Variants in SCHIP1 observed in about 807,000 individuals in gnomAD.
The protein encoded by SCHIP1 is schwannomin-interacting protein 1.
In SCHIP1, 8 loss-of-function variants were observed where a neutral mutation model predicts 29.7. The observed-to-expected ratio is 0.27, with a 90% confidence interval of 0.16 to 0.49. The LOEUF (loss-of-function observed/expected upper bound fraction) is 0.49. SCHIP1 is among the 20% of genes least tolerant of loss of function. The pLI, the probability that SCHIP1 is intolerant of heterozygous loss-of-function variation, is 0.99. For missense variants in SCHIP1, 193 were observed against 294.6 expected, an observed-to-expected ratio of 0.66 and a Z score of 2.52; for synonymous variants, 76 against 94.9, an observed-to-expected ratio of 0.80 and a Z score of 1.16.
chr3:159,492,666 G>A, the SCHIP1 span, among the ~76,000 whole-genome samples: 1 of 152,196 alleles, frequency 6.6e-6, no homozygotes, highest in African/African-American at 2.4e-5. Flanking sequence ...AACCAAGTTG[G>A]AAAACACTCT....
the SCHIP1 span, among the ~76,000 whole-genome samples, chr3:159,637,591 CA>C: frequency 6.6e-6 from 1 of 152,228 alleles, no homozygotes; most frequent in South Asian, 2.1e-4. Flanking sequence ...TGTGGAATTG[CA>C]AAAGCATAAA....
the SCHIP1 span, among the ~76,000 whole-genome samples, chr3:159,585,420 A>G: frequency 9.1e-4 from 138 of 152,090 alleles, no homozygotes; most frequent in African/African-American, 3.2e-3. Context: ...TCCTACCATT[A>G]TTTTCCTGTT....
the SCHIP1 span, among the ~76,000 whole-genome samples, chr3:159,670,185 G>A: frequency 6.6e-6 from 1 of 152,172 alleles, no homozygotes; most frequent in South Asian, 2.1e-4. Context: ...TTTTCGGCTG[G>A]ATTAGACCAT....
At chr3:159,472,954 C>T in the SCHIP1 span, among the ~76,000 whole-genome samples, 41 of 152,260 alleles carry the variant, frequency 2.7e-4, no homozygotes, top group East Asian at 7.3e-3. Context: ...CTCATCTATA[C>T]CAACACATTA....
chr3:159,341,413 G>A, the SCHIP1 span, among the ~76,000 whole-genome samples: 1 of 152,064 alleles, frequency 6.6e-6, no homozygotes, highest in African/African-American at 2.4e-5. Context: ...TTTCTTGTCT[G>A]GTCCCCTTAC....
the SCHIP1 span, among the ~76,000 whole-genome samples, chr3:159,352,203 G>A: frequency 6.6e-6 from 1 of 152,092 alleles, no homozygotes; most frequent in African/African-American, 2.4e-5. Context: ...GGCATACCCA[G>A]GAGTCCCAGG....
chr3:159,475,091 G>C, the SCHIP1 span, among the ~76,000 whole-genome samples: 1 of 152,076 alleles, frequency 6.6e-6, no homozygotes, highest in African/African-American at 2.4e-5. Flanking sequence ...TCCACTCCAA[G>C]AGAACTGAAA....
the SCHIP1 span, among the ~76,000 whole-genome samples, chr3:159,491,342 T>C: frequency 5.3e-5 from 8 of 152,298 alleles, no homozygotes; most frequent in South Asian, 1.7e-3. Context: ...GGTCAGGGAA[T>C]TCCCTTTCCT....
the SCHIP1 span, among the ~76,000 whole-genome samples, chr3:159,657,246 C>T: frequency 6.6e-6 from 1 of 152,222 alleles, no homozygotes; most frequent in East Asian, 1.9e-4. Flanking sequence ...ATGTGAGACA[C>T]AGATCAGTGA....
the SCHIP1 span, among the ~76,000 whole-genome samples, chr3:159,692,556 T>C: frequency 6.6e-6 from 1 of 152,252 alleles, no homozygotes; most frequent in Non-Finnish European, 1.5e-5. Flanking sequence ...GTTCTTGTGC[T>C]GTGTTTTTCA....
chr3:159,659,282 G>A, the SCHIP1 span, among the ~76,000 whole-genome samples: 2 of 152,156 alleles, frequency 1.3e-5, no homozygotes, highest in Non-Finnish European at 2.9e-5. Flanking sequence ...GTGGTGATCC[G>A]ACTGATCATG....
the SCHIP1 span, among the ~76,000 whole-genome samples, chr3:159,407,596 G>C: frequency 6.6e-6 from 1 of 152,154 alleles, no homozygotes; most frequent in Non-Finnish European, 1.5e-5. Context: ...GTTCTCCTCA[G>C]CACATGGATC....
At chr3:159,697,056 T>G in the SCHIP1 span, among the ~76,000 whole-genome samples, 5 of 152,160 alleles carry the variant, frequency 3.3e-5, no homozygotes, top group Non-Finnish European at 7.3e-5. Flanking sequence ...TGGTCAGACA[T>G]GCCTTTTAGA....
At chr3:159,273,527 G>C in the SCHIP1 span, 1 of 1,185,284 alleles carries the variant, frequency 8.4e-7, no homozygotes, top group African/African-American at 1.6e-5. Flanking sequence ...TCTTCTCTGT[G>C]TGTTTTATCA....
the SCHIP1 span, among the ~76,000 whole-genome samples, chr3:159,354,159 A>T: frequency 6.6e-6 from 1 of 152,220 alleles, no homozygotes; most frequent in Non-Finnish European, 1.5e-5. Context: ...ACTAAAAACA[A>T]ATCTGTTATT....
At chr3:159,525,865 A>T in the SCHIP1 span, among the ~76,000 whole-genome samples, 1 of 152,206 alleles carries the variant, frequency 6.6e-6, no homozygotes, top group African/African-American at 2.4e-5. Context: ...ACACATATTC[A>T]TTCACCATTC....
At chr3:159,531,383 G>A in the SCHIP1 span, among the ~76,000 whole-genome samples, 1 of 152,152 alleles carries the variant, frequency 6.6e-6, no homozygotes, top group Admixed American at 6.5e-5. Flanking sequence ...CCTTTTACAA[G>A]GAATCCTTTC....
intron 6 of SCHIP1, among the ~76,000 whole-genome samples, chr3:159,896,299 A>G (rs1323414103): frequency 6.6e-6 from 1 of 152,030 alleles, no homozygotes; most frequent in East Asian, 1.9e-4. Flanking sequence ...TCCATCTGTT[A>G]TTTCCTTATT....
the SCHIP1 span, among the ~76,000 whole-genome samples, chr3:159,384,521 T>C: frequency 2.7e-5 from 4 of 145,736 alleles, no homozygotes; most frequent in Admixed American, 1.4e-4. Flanking sequence ...CAGTATTTTA[T>C]TGAGGATTTT....
Sources: allele counts gnomAD v4.1 joint callset (sites outside exome capture counted in the v4.1 genomes callset), GRCh38; gene constraint gnomAD v4.1.1; transcripts MANE v1.5; gene names NCBI Gene and HGNC (gene_info 2026-07-23, HGNC 2026-07-21).